The following HPSE2 variants were observed in gnomAD, a reference collection of about 807,000 sequenced individuals.
HPSE2 encodes inactive heparanase-2.
A neutral mutation model predicts 60.5 loss-of-function variants in HPSE2; 38 were observed. The ratio of observed to expected loss-of-function variants is 0.63; its 90% CI spans 0.48 to 0.82. The LOEUF (loss-of-function observed/expected upper bound fraction) is 0.82, where lower values mean the gene tolerates loss of function less well. HPSE2 is among the 40% of genes least tolerant of loss of function. The pLI is 0.00. For missense variants in HPSE2, 713 were observed against 740.4 expected, an observed-to-expected ratio of 0.96 and a Z score of 0.43; for synonymous variants, 295 against 293.2, an observed-to-expected ratio of 1.01 and a Z score of -0.06.
intron 2 of HPSE2, among the ~76,000 whole-genome samples, chr10:99,153,356 G>C (rs1316776207): frequency 6.6e-6 from 1 of 152,212 alleles, no homozygotes; most frequent in Non-Finnish European, 1.5e-5. Flanking sequence ...GTCCCTGTCT[G>C]ACAGCTTTGA....
At chr10:99,063,491 G>C (rs559091251) in intron 3 of HPSE2, among the ~76,000 whole-genome samples, 2 of 152,244 alleles carry the variant, frequency 1.3e-5, no homozygotes, top group South Asian at 4.1e-4. Flanking sequence ...CAATGGTGTG[G>C]AGAAAAAGGA....
chr10:98,973,020 T>C (rs1473005151), intron 3 of HPSE2, among the ~76,000 whole-genome samples: 3 of 152,144 alleles, frequency 2.0e-5, no homozygotes, highest in African/African-American at 7.2e-5. Flanking sequence ...AGTAACACTA[T>C]TATGTTGAAC....
chr10:99,240,207 G>T (rs1849916896), upstream of HPSE2, among the ~76,000 whole-genome samples: 1 of 150,924 alleles, frequency 6.6e-6, no homozygotes, highest in Non-Finnish European at 1.5e-5. Context: ...GAAAAGAAAA[G>T]GAAAAAAAGA....
At chr10:99,047,114 A>T (rs999212136) in intron 3 of HPSE2, among the ~76,000 whole-genome samples, 1 of 152,176 alleles carries the variant, frequency 6.6e-6, no homozygotes, top group Admixed American at 6.5e-5. Flanking sequence ...AACTGGTATA[A>T]AAAACAGACA....
At chr10:98,981,185 C>G (rs1341978440) in intron 3 of HPSE2, among the ~76,000 whole-genome samples, 1 of 152,146 alleles carries the variant, frequency 6.6e-6, no homozygotes, top group Admixed American at 6.5e-5. Context: ...TAAAATATTA[C>G]TGGTGAAACA....
At chr10:99,246,019 T>C in the HPSE2 span, among the ~76,000 whole-genome samples, 2 of 152,220 alleles carry the variant, frequency 1.3e-5, no homozygotes, top group Non-Finnish European at 2.9e-5. Flanking sequence ...ACCAGAATGA[T>C]ACCTATAGCA....
In HPSE2 at chr10:99,029,480, T is replaced by C. The variant is rs1215699101; in HGVS notation, c.610+114758A>G. On this transcript the variant is annotated intron_variant, in intron 3 of 11. Transcript: ENST00000370552. ...AAATGTCTGGCTGCGCTGTTATTTA[T>C]TGGATACAAAGCAAAAGGGGCAGGG... Among the ~76,000 whole-genome samples the C allele has an allele frequency of 2.0e-5, 3 of 152,242 alleles. No homozygotes were observed. The East Asian group carries it at 5.8e-4, about 29-fold the overall frequency.
intron 5 of HPSE2, among the ~76,000 whole-genome samples, chr10:98,705,499 A>T (rs541965000): frequency 3.3e-4 from 51 of 152,342 alleles, no homozygotes; most frequent in Non-Finnish European, 1.5e-4. Context: ...AAGACATGGA[A>T]CCAACCCAAA....
chr10:99,288,109 G>C, the HPSE2 span, among the ~76,000 whole-genome samples: 6 of 152,214 alleles, frequency 3.9e-5, no homozygotes, highest in Non-Finnish European at 8.8e-5. Context: ...ATGAGAGTGA[G>C]AGTGAAGGAA....
At chr10:98,682,919 C>G (rs1947822528) in intron 6 of HPSE2, among the ~76,000 whole-genome samples, 1 of 152,142 alleles carries the variant, frequency 6.6e-6, no homozygotes, top group Admixed American at 6.6e-5. Flanking sequence ...TCAGGACCAT[C>G]AAGCACAGTG....
At chr10:98,953,704 T>C (rs948424836) in intron 3 of HPSE2, among the ~76,000 whole-genome samples, 2 of 152,036 alleles carry the variant, frequency 1.3e-5, no homozygotes, top group African/African-American at 4.8e-5. Context: ...ACAGGCATCA[T>C]GGGGATGGTA....
chr10:99,277,525 T>G, the HPSE2 span, among the ~76,000 whole-genome samples: 2 of 152,226 alleles, frequency 1.3e-5, no homozygotes, highest in African/African-American at 4.8e-5. Context: ...TGGAAGAGTG[T>G]TGGTTTTTCA....
At chr10:98,973,995 T>C (rs1956023851) in intron 3 of HPSE2, among the ~76,000 whole-genome samples, 1 of 151,976 alleles carries the variant, frequency 6.6e-6, no homozygotes, top group Non-Finnish European at 1.5e-5. Flanking sequence ...AATGATCAAA[T>C]AGAATGATTT....
At chr10:98,804,491 A>G (rs190500613) in intron 3 of HPSE2, among the ~76,000 whole-genome samples, 12 of 152,288 alleles carry the variant, frequency 7.9e-5, no homozygotes, top group Middle Eastern at 3.4e-3. Context: ...GGCATTTCTG[A>G]AAATAAGACA....
chr10:98,607,313 C>T (rs1945620854), intron 9 of HPSE2, among the ~76,000 whole-genome samples: 1 of 152,150 alleles, frequency 6.6e-6, no homozygotes, highest in African/African-American at 2.4e-5. Context: ...TAGGAGGCCA[C>T]ACAATTTGCT....
chr10:99,286,883 A>T, the HPSE2 span, among the ~76,000 whole-genome samples: 1 of 152,190 alleles, frequency 6.6e-6, no homozygotes, highest in Non-Finnish European at 1.5e-5. Flanking sequence ...TAACACTGTA[A>T]GATAGATACT....
In HPSE2 at chr10:98,614,937, A is replaced by G. The variant is rs1474696058; in HGVS notation, c.1287T>C (p.Asn429=). The change falls in exon 9 of 12, where the codon AAT becomes AAC. Residue 429 remains asparagine (N), a synonymous_variant. Coordinates refer to ENST00000370552, the MANE Select transcript of HPSE2 (RefSeq NM_021828.5). The part of the protein sequence containing the change: ...IRHSFFDHGY[N]HLVDQNFNPL... Reference sequence around the variant, plus strand: ...GGTTAAAATTCTGGTCCACGAGGTGATTGTATCCATGGTCAAAAAATGAGT... The same window carrying G: ...GGTTAAAATTCTGGTCCACGAGGTGGTTGTATCCATGGTCAAAAAATGAGT... 4 of 1,613,970 alleles carry G rather than the reference A, an allele frequency of 2.5e-6. No homozygotes were observed. Among genetic ancestry groups the G allele is most frequent in the South Asian group, 2.2e-5 (2 of 91,082 alleles).
At chr10:98,511,568 GT>G (rs1942400688) in intron 9 of HPSE2, among the ~76,000 whole-genome samples, 1 of 65,018 alleles carries the variant, frequency 1.5e-5, no homozygotes, top group Non-Finnish European at 3.6e-5. Context: ...GTGTGTGTGT[GT>G]GTGTGTGTGT....
At chr10:98,987,474 G>C (rs561791676) in intron 3 of HPSE2, among the ~76,000 whole-genome samples, 1 of 152,038 alleles carries the variant, frequency 6.6e-6, no homozygotes, top group East Asian at 1.9e-4. Context: ...TCTCAAATTA[G>C]GTATCGATGG....
Sources: gnomAD v4.1 joint callset for allele counts (sites outside exome capture counted in the v4.1 genomes callset) on GRCh38, gnomAD v4.1.1 for gene constraint, MANE v1.5 for transcripts, NCBI Gene and HGNC (gene_info 2026-07-23, HGNC 2026-07-21) for gene names.